Variants in LOC400499 observed in about 807,000 individuals in gnomAD.
chr16:11,465,937 C>T, the LOC400499 span, among the ~76,000 whole-genome samples: 1 of 152,114 alleles, frequency 6.6e-6, no homozygotes, highest in Non-Finnish European at 1.5e-5. Flanking sequence ...AGAGAAAAAA[C>T]ATATAAACCT....
chr16:11,522,417 G>C, the LOC400499 span, among the ~76,000 whole-genome samples: 1 of 152,222 alleles, frequency 6.6e-6, no homozygotes, highest in Non-Finnish European at 1.5e-5. Context: ...AATTCTGTTT[G>C]TGAGGGCTGT....
the LOC400499 span, chr16:11,523,722 C>T: frequency 2.9e-6 from 1 of 341,752 alleles, no homozygotes; most frequent in East Asian, 4.3e-5. Context: ...GCTCAAGCTG[C>T]CAATCATTCG....
chr16:11,505,708 C>G, the LOC400499 span, among the ~76,000 whole-genome samples: 11 of 151,942 alleles, frequency 7.2e-5, no homozygotes, highest in Non-Finnish European at 1.2e-4. Flanking sequence ...CTCAGCCTCC[C>G]AAAGTGCTGT....
chr16:11,410,174 C>G, the LOC400499 span, among the ~76,000 whole-genome samples: 1 of 152,238 alleles, frequency 6.6e-6, no homozygotes, highest in East Asian at 1.9e-4. Flanking sequence ...AAAAATAAGG[C>G]TGGGCGCAGT....
the LOC400499 span, among the ~76,000 whole-genome samples, chr16:11,523,265 T>G: frequency 2.6e-5 from 4 of 152,182 alleles, no homozygotes; most frequent in African/African-American, 9.7e-5. Context: ...AGAACTGGCC[T>G]TGGTCCTCCC....
the LOC400499 span, chr16:11,515,984 C>T: frequency 1.3e-5 from 5 of 399,940 alleles, no homozygotes; most frequent in African/African-American, 4.1e-5. Context: ...GCGCAGGGAG[C>T]ACCGTGCCAG....
chr16:11,434,119 G>A, the LOC400499 span, among the ~76,000 whole-genome samples: 9 of 152,258 alleles, frequency 5.9e-5, no homozygotes, highest in African/African-American at 1.4e-4. Context: ...AAGCCCTCCC[G>A]AGCCACTCCA....
chr16:11,385,095 T>G, the LOC400499 span: 2 of 1,231,892 alleles, frequency 1.6e-6, no homozygotes, highest in Non-Finnish European at 2.0e-6. Flanking sequence ...GGGCAGGAGG[T>G]CTGACCCACA....
chr16:11,500,762 G>A, the LOC400499 span: 1 of 399,052 alleles, frequency 2.5e-6, no homozygotes. Flanking sequence ...CCAAGCCACG[G>A]AGGGAGGACA....
chr16:11,519,709 T>G, the LOC400499 span, among the ~76,000 whole-genome samples: 5 of 147,776 alleles, frequency 3.4e-5, no homozygotes, highest in East Asian at 2.0e-4. Flanking sequence ...TGACTCCACT[T>G]TTTTTTTTTT....
chr16:11,376,554 G>T, the LOC400499 span, among the ~76,000 whole-genome samples: 2 of 152,116 alleles, frequency 1.3e-5, no homozygotes, highest in African/African-American at 4.8e-5. Flanking sequence ...TGGTCTGTAT[G>T]TATGTCTTTA....
the LOC400499 span, chr16:11,493,826 G>C: frequency 3.6e-5 from 11 of 307,966 alleles, no homozygotes; most frequent in Admixed American, 6.0e-5. Context: ...GGACCATGAG[G>C]GGCAGTGGCG....
At chr16:11,514,837 G>A in the LOC400499 span, among the ~76,000 whole-genome samples, 3 of 152,236 alleles carry the variant, frequency 2.0e-5, no homozygotes, top group Non-Finnish European at 4.4e-5. Flanking sequence ...CAAAGCGTCA[G>A]TATGAAAACA....
the LOC400499 span, chr16:11,446,549 C>G: frequency 1.3e-6 from 2 of 1,536,048 alleles, no homozygotes; most frequent in Non-Finnish European, 1.7e-6. Context: ...TCTGCTCTTA[C>G]CGTGTGCTGA....
At chr16:11,468,477 CTG>C in the LOC400499 span, among the ~76,000 whole-genome samples, 2 of 152,172 alleles carry the variant, frequency 1.3e-5, no homozygotes, top group East Asian at 3.8e-4. Context: ...GCACACAACT[CTG>C]TGCCTGGTTA....
At chr16:11,457,501 G>A in the LOC400499 span, among the ~76,000 whole-genome samples, 4 of 151,186 alleles carry the variant, frequency 2.6e-5, no homozygotes, top group African/African-American at 7.3e-5. Flanking sequence ...GCTGAGGCAG[G>A]AGAATGGTGT....
At chr16:11,446,324 AT>A in the LOC400499 span, among the ~76,000 whole-genome samples, 4 of 151,206 alleles carry the variant, frequency 2.6e-5, no homozygotes, top group South Asian at 2.1e-4. Flanking sequence ...TAATTAAACA[AT>A]TTTTTTTTCT....
At chr16:11,487,324 G>C in the LOC400499 span, 1 of 399,590 alleles carries the variant, frequency 2.5e-6, no homozygotes, top group Non-Finnish European at 4.4e-6. Flanking sequence ...GCAGAACGGG[G>C]AAGAAAGGAG....
chr16:11,445,957 TG>T, the LOC400499 span, among the ~76,000 whole-genome samples: 5 of 151,146 alleles, frequency 3.3e-5, no homozygotes, highest in Admixed American at 6.6e-5. Flanking sequence ...CCTGAGTAGC[TG>T]GGACTGCAGG....
Sources: allele counts gnomAD v4.1 joint callset (sites outside exome capture counted in the v4.1 genomes callset), GRCh38; gene constraint gnomAD v4.1.1; transcripts MANE v1.5.